The following NEU4 variants were observed in gnomAD, a reference collection of about 807,000 sequenced individuals.
NEU4 encodes neuraminidase 4.
A neutral mutation model predicts 9.9 loss-of-function variants in NEU4; 7 were observed. That is an observed-to-expected ratio of 0.71 (90% CI 0.40 to 1.33). The LOEUF is 1.33. Ranked by LOEUF, NEU4 falls within the 40% of genes most tolerant of loss-of-function variation. The pLI, the probability that NEU4 is intolerant of heterozygous loss-of-function variation, is 0.01. For synonymous variants in NEU4, 348 were observed against 316.9 expected (o/e 1.10, Z -1.04); for missense variants, 717 against 712.6 (o/e 1.01, Z -0.07).
At chr2:241,811,519 G>T in intron 1 of NEU4, 1 of 1,403,696 alleles carries the variant, frequency 7.1e-7, no homozygotes, top group Admixed American at 2.4e-5. Flanking sequence ...GGCGCCCGGG[G>T]TCAGGACCCG....
intron 3 of NEU4, 154 bp downstream of exon 3, chr2:241,815,301 G>A (rs1244635222): frequency 1.7e-5 from 18 of 1,085,688 alleles, no homozygotes; most frequent in East Asian, 7.8e-5. Flanking sequence ...TGCGCCTCCC[G>A]TCCCAGGCAA....
Position 241,816,223 on chromosome 2 carries a change from C to T in NEU4, c.630C>T (p.Arg210=). The part of the protein sequence containing the change: ...FYSDDHGRTW[R]CGGLVPNLRS... ...GCGATGACCACGGCCGCACCTGGCG[C>T]TGTGGAGGCCTCGTGCCCAACCTGC... Residue 210 remains arginine (R), a synonymous_variant, in exon 4 of 4, where the codon CGC becomes CGT. Transcript: ENST00000407683. 6.2e-7 allele frequency: 1 copy of T among 1,612,022 alleles called. No homozygotes were observed. The highest frequency in any genetic ancestry group is 1.1e-5 in the South Asian group (1 of 90,918).
chr2:241,811,358 G>T, intron 1 of NEU4: 2 of 1,461,104 alleles, frequency 1.4e-6, no homozygotes, highest in South Asian at 1.4e-5. Flanking sequence ...CTGAGACGTG[G>T]CCAGCTCCCT....
Position 241,815,084 on chromosome 2 carries a change from G to T in NEU4, c.394G>T (p.Ala132Ser). ...CCTCTGCTGTGTGGCCAGCCGTGAC[G>T]CCGGCCTCTCGTGGGGCAGCGCCCG... ...ARLCCVASRD[A>S]GLSWGSARDL... Residue 132 changes from alanine (A) to serine (S), a missense_variant, in exon 3 of 4, where the codon GCC (alanine) becomes TCC (serine). By Grantham distance (99) the Ala-to-Ser change is moderately conservative. Coordinates refer to ENST00000407683, the MANE Select transcript of NEU4 (RefSeq NM_001167600.3). 6.3e-7 allele frequency: 1 copy of T among 1,579,370 alleles called. No individual in the cohort carries two copies. The highest frequency in any genetic ancestry group is 8.6e-7 in the Non-Finnish European group (1 of 1,168,930).
rs776480191 is a variant in NEU4 at position 241,817,054 on chromosome 2, C to T, written c.*6C>T. ...GGTGCTGCTGGCCCTCCTGACAGGC[C>T]TTCTGGCCGTGCCCATGCCCCTTGG... On this transcript the variant is annotated 3_prime_UTR_variant, in exon 4 of 4. Coordinates refer to ENST00000407683, the MANE Select transcript of NEU4 (RefSeq NM_001167600.3). The T allele has an allele frequency of 1.3e-6, 2 of 1,573,158 alleles. No individual in the cohort carries two copies. Among genetic ancestry groups the T allele is most frequent in the Non-Finnish European group, 1.7e-6 (2 of 1,161,960 alleles).
intron 1 of NEU4, chr2:241,811,083 C>A: frequency 8.6e-7 from 1 of 1,159,864 alleles, no homozygotes; most frequent in South Asian, 4.4e-5. Flanking sequence ...CCTGGCAGGG[C>A]CGCGTCTCTG....
Position 241,814,503 on chromosome 2 carries a change from C to A in NEU4, c.19C>A (p.Pro7Thr). The change falls in exon 2 of 4, where the codon CCT (proline) becomes ACT (threonine). Residue 7 changes from proline to threonine, a missense_variant. By Grantham distance (38) the Pro-to-Thr change is conservative. Coordinates refer to ENST00000407683, the MANE Select transcript of NEU4 (RefSeq NM_001167600.3). Reference sequence around the variant, plus strand: ...GCAGAGCATGGGGGTCCCTCGTACCCCTTCACGGACAGTGCTCTTCGAGCG... The same window carrying A: ...GCAGAGCATGGGGGTCCCTCGTACCACTTCACGGACAGTGCTCTTCGAGCG... MGVPRT[P>T]SRTVLFERER... 1 of 1,611,204 alleles carries A rather than the reference C, an allele frequency of 6.2e-7. No homozygotes were observed. Among genetic ancestry groups the A allele is most frequent in the Non-Finnish European group, 8.5e-7 (1 of 1,178,628 alleles).
rs377640129 is a variant in NEU4 at position 241,816,082 on chromosome 2, C to T, written c.489C>T (p.His163=). ...DWATFAVGPG[H]GVQLPSGRLL... is the part of the protein sequence containing the mutation. The stretch of plus-strand genomic sequence containing the variant: ...CCACATTCGCTGTGGGTCCCGGCCA[C>T]GGTGTGCAGCTGCCCTCAGGCCGCC... The change falls in exon 4 of 4, where the codon CAC becomes CAT. Residue 163 remains histidine, a synonymous_variant. Transcript: ENST00000407683. 141 of 1,609,240 alleles carry T rather than the reference C, an allele frequency of 8.8e-5. No homozygotes were observed. The highest frequency in any genetic ancestry group is 1.1e-4 in the Non-Finnish European group (128 of 1,178,492).
intron 1 of NEU4, chr2:241,813,765 C>T (rs1700200601): frequency 1.2e-5 from 4 of 327,554 alleles, no homozygotes; most frequent in Non-Finnish European, 2.5e-5. Flanking sequence ...AAGCACCTGT[C>T]CCCTGCAGGA....
chr2:241,811,337 C>A, intron 1 of NEU4: 3 of 1,409,642 alleles, frequency 2.1e-6, no homozygotes. Context: ...GTCCAGGGTC[C>A]TGACGTAGCC....
At chr2:241,811,549 G>T in intron 1 of NEU4, 1 of 1,206,932 alleles carries the variant, frequency 8.3e-7, no homozygotes, top group Non-Finnish European at 1.1e-6. Context: ...TATCTGTCCA[G>T]CTGGCCGCCC....
rs780999486 is a variant in NEU4 at position 241,816,845 on chromosome 2, G to T, written c.1252G>T (p.Gly418Cys). ...EPWVIYEGPS[G>C]YSDLASIGPA... ...CTGGGTGATCTACGAGGGCCCCAGC[G>T]GCTACTCCGACCTGGCGTCCATCGG... The change falls in exon 4 of 4, where the codon GGC becomes TGC. Residue 418 changes from glycine to cysteine, a missense_variant. Coordinates refer to ENST00000407683, the MANE Select transcript of NEU4 (RefSeq NM_001167600.3). 4.3e-6 allele frequency: 7 copies of T among 1,611,166 alleles called. No homozygotes were observed. The highest frequency in any genetic ancestry group is 5.9e-6 in the Non-Finnish European group (7 of 1,179,416).
At chr2:241,810,041 C>T (rs1286928283) in intron 1 of NEU4, 7 of 152,224 alleles carry the variant, frequency 4.6e-5, no homozygotes, top group African/African-American at 1.7e-4. Context: ...ATGGGCCACC[C>T]AGTTCTGGTT....
rs1700385059 is a variant in NEU4 at position 241,817,164 on chromosome 2, G to A, written c.*116G>A. The A allele has an allele frequency of 7.3e-6, 8 of 1,098,400 alleles. No homozygotes were observed. The highest frequency in any genetic ancestry group is 1.6e-5 in the South Asian group (1 of 60,958). The allele number at this position is 1,098,400 out of a possible 1,614,324, so 68.0% of individuals were successfully genotyped here. The stretch of plus-strand genomic sequence containing the variant: ...TCTTAGTGCAGGATCCTGTGGATTA[G>A]AAACAAGTTGCTCCTCAGAGCTCTC... On this transcript the variant is annotated 3_prime_UTR_variant, in exon 4 of 4. Transcript: ENST00000407683.
chr2:241,815,131 C>T lies in NEU4; in HGVS notation c.441C>T (p.Ile147=), dbSNP rs562856537. ...GSARDLTEEA[I]GGAVQDWATF... ...CCCGGGACCTCACCGAGGAGGCCATCGGTGGTGCCGTGCAGGGTAGGCGGG... is the reference window on the plus strand; with the variant it reads ...CCCGGGACCTCACCGAGGAGGCCATTGGTGGTGCCGTGCAGGGTAGGCGGG... The change falls in exon 3 of 4, where the codon ATC becomes ATT. Residue 147 remains isoleucine (I), a synonymous_variant. Coordinates refer to ENST00000407683, the MANE Select transcript of NEU4 (RefSeq NM_001167600.3). 46 of 1,566,512 alleles carry T rather than the reference C, an allele frequency of 2.9e-5. 1 individual carries two copies. The East Asian group carries it at 5.9e-4, about 20-fold the overall frequency.
intron 1 of NEU4, 153 bp downstream of exon 1, chr2:241,809,427 G>A: frequency 2.6e-6 from 1 of 389,284 alleles, no homozygotes; most frequent in Non-Finnish European, 4.9e-6. Flanking sequence ...ATAAAAGGGG[G>A]ACACAGAGTA....
intron 1 of NEU4, chr2:241,811,094 G>A (rs1700099552): frequency 1.7e-6 from 2 of 1,182,114 alleles, no homozygotes; most frequent in Non-Finnish European, 2.1e-6. Context: ...CGCGTCTCTG[G>A]AGCAGCAGAC....
Position 241,816,452 on chromosome 2 carries a change from G to GC in NEU4, c.864dup (p.Asn289GlnfsTer6), listed in dbSNP as rs1371572899. The GC allele has an allele frequency of 6.2e-7, 1 of 1,608,184 alleles. No individual in the cohort carries two copies. The highest frequency in any genetic ancestry group is 8.5e-7 in the Non-Finnish European group (1 of 1,178,670). On this transcript the variant is annotated frameshift_variant, in exon 4 of 4. Transcript: ENST00000407683. LOFTEE classifies it low-confidence loss of function (END_TRUNC). ...CAGCATCGTGGGCTTCCCAGCCCCC[G>GC]CCCCCAACAGGCCACGGGATGACAG...
rs765257004 is a variant in NEU4 at position 241,816,828 on chromosome 2, T to C, written c.1235T>C (p.Ile412Thr). Residue 412 changes from isoleucine to threonine, a missense_variant, in exon 4 of 4, where the codon ATC becomes ACC. By Grantham distance (89) the Ile-to-Thr change is moderately conservative. Transcript: ENST00000407683. ...CGCAGCTGGACAGAGCCCTGGGTGA[T>C]CTACGAGGGCCCCAGCGGCTACTCC... ...DPRSWTEPWVIYEGPSGYSDL... is the reference protein window; with the variant it reads ...DPRSWTEPWVTYEGPSGYSDL... 1 of 1,609,968 alleles carries C rather than the reference T, an allele frequency of 6.2e-7. No individual in the cohort carries two copies. The highest frequency in any genetic ancestry group is 8.5e-7 in the Non-Finnish European group (1 of 1,178,838).
Sources: allele counts gnomAD v4.1 joint callset, GRCh38; gene constraint gnomAD v4.1.1; transcripts MANE v1.5; gene names NCBI Gene and HGNC (gene_info 2026-07-23, HGNC 2026-07-21).